LIF: variants seen among roughly 807,000 people sequenced by gnomAD.
LIF encodes leukemia inhibitory factor.
A neutral mutation model predicts 15.0 loss-of-function variants in LIF; 9 were observed. That is an observed-to-expected ratio of 0.60 (90% CI 0.36 to 1.04). LIF has a LOEUF of 1.04. Ranked by LOEUF, LIF falls within the 50% of genes least tolerant of loss-of-function variation. The pLI is 0.01. For missense variants in LIF, 240 were observed against 266.7 expected (o/e 0.90, Z 0.70); for synonymous variants, 122 against 119.7 (o/e 1.02, Z -0.13).
chr22:30,243,521 C>A lies in LIF; in HGVS notation c.*130G>T, dbSNP rs1038717364. On this transcript the variant is annotated 3_prime_UTR_variant, in exon 3 of 3. Transcript: ENST00000249075. The surrounding 1 kb of genome is among the most constrained non-coding windows in gnomAD (Gnocchi z 6.0). Reference sequence around the variant, plus strand: ...GAGTGGAGTGGACTGGCCAGGCACCCTCGGGGTCTGCCAGCAGCCCCCATT... The same window carrying A: ...GAGTGGAGTGGACTGGCCAGGCACCATCGGGGTCTGCCAGCAGCCCCCATT... 3.5e-6 allele frequency: 4 copies of A among 1,156,176 alleles called. No homozygotes were observed. Among genetic ancestry groups the A allele is most frequent in the Non-Finnish European group, 5.1e-6 (4 of 786,086 alleles). 71.6% of individuals were successfully genotyped at this position (1,156,176 alleles called of 1,614,324 possible).
intron 1 of LIF, 112 bp from the exon 2 acceptor site, chr22:30,245,045 T>C (rs1928829189): frequency 5.1e-6 from 5 of 974,318 alleles, no homozygotes. Flanking sequence ...GACTCCTGGT[T>C]CCCCCTCACC....
rs748305575 is a variant in LIF, at chr22:30,244,933, C to G, written c.20G>C (p.Gly7Ala). Reference protein sequence around the residue: MKVLAAGVVPLLLVLHW... With the variant: MKVLAAAVVPLLLVLHW... The stretch of plus-strand genomic sequence containing the variant: ...CAGAACCAACAGCAGGGGCACAACT[C>G]CTGGGGACAGTCAGGAAGAAGCCAT... Residue 7 changes from glycine to alanine, a missense_variant and splice_region_variant, in exon 2 of 3, where the codon GGA (glycine) becomes GCA (alanine). Coordinates refer to ENST00000249075, the MANE Select transcript of LIF (RefSeq NM_002309.5). The G allele has an allele frequency of 6.2e-7, 1 of 1,613,976 alleles. No homozygotes were observed. Among genetic ancestry groups the G allele is most frequent in the Non-Finnish European group, 8.5e-7 (1 of 1,179,958 alleles).
chr22:30,244,226 T>C (rs1453952681), intron 2 of LIF, among the ~76,000 whole-genome samples, 165 bp from the exon 3 acceptor site: 1 of 152,128 alleles, frequency 6.6e-6, no homozygotes, highest in Non-Finnish European at 1.5e-5. Context: ...AAACTAATTG[T>C]AATGTGAGTG....
In LIF at chr22:30,243,951, C is replaced by A. The variant is rs745457739; in HGVS notation, c.309G>T (p.Val103=). Residue 103 remains valine (V), a synonymous_variant, in exon 3 of 3, where the codon GTG becomes GTT. Transcript: ENST00000249075. The surrounding 1 kb of genome is among the most constrained non-coding windows in gnomAD (Gnocchi z 6.0). The part of the protein sequence containing the change: ...HANGTEKAKL[V]ELYRIVVYLG... Reference sequence around the variant, plus strand: ...GGTACACGACTATGCGGTACAGCTCCACCAGCTTGGCCTTCTCCGTGCCGT... The same window carrying A: ...GGTACACGACTATGCGGTACAGCTCAACCAGCTTGGCCTTCTCCGTGCCGT... 13 of 1,614,056 alleles carry A rather than the reference C, an allele frequency of 8.1e-6. No individual in the cohort carries two copies. The highest frequency in any genetic ancestry group is 1.0e-5 in the Non-Finnish European group (12 of 1,180,038).
rs558476962 is a variant in LIF, at chr22:30,242,328, G to A, written c.*1323C>T. The A allele has an allele frequency of 3.9e-5, 2 of 51,800 alleles. No homozygotes were observed. The highest frequency in any genetic ancestry group is 1.4e-4 in the African/African-American group (2 of 14,368). The allele number at this position is 51,800 out of a possible 1,614,324, so 3.2% of individuals were successfully genotyped here. On this transcript the variant is annotated 3_prime_UTR_variant, in exon 3 of 3. Transcript: ENST00000249075. ...CCTAAAGCAAGTCACAGTAGGGGAT[G>A]GGGGGGGGTGGAGCAAGGCCCCCCA...
At chr22:30,245,111 C>G (rs770099345) in intron 1 of LIF, among the ~76,000 whole-genome samples, 178 bp from the exon 2 acceptor site, 1 of 152,230 alleles carries the variant, frequency 6.6e-6, no homozygotes, top group Non-Finnish European at 1.5e-5. Flanking sequence ...GTGTGTTTCT[C>G]TGTCTCCCTT....
At position 30,246,664 on chromosome 22, in the gene LIF, C is replaced by A; in HGVS notation, c.19+13G>T. ...GCGGGGACGCGAAGCCGGCGCGGGG[C>A]GGGTGTATTTACCTGCCGCCAAGAC... On this transcript the variant is annotated intron_variant, in intron 1 of 2. Coordinates refer to ENST00000249075, the MANE Select transcript of LIF (RefSeq NM_002309.5). 6.4e-7 allele frequency: 1 copy of A among 1,554,314 alleles called. No individual in the cohort carries two copies. Among genetic ancestry groups the A allele is most frequent in the Non-Finnish European group, 8.7e-7 (1 of 1,148,036 alleles).
In LIF at chr22:30,243,771, A is replaced by T; in HGVS notation, c.489T>A (p.His163Gln). Residue 163 changes from histidine to glutamine, a missense_variant, in exon 3 of 3, where the codon CAT (histidine) becomes CAA (glutamine). Coordinates refer to ENST00000249075, the MANE Select transcript of LIF (RefSeq NM_002309.5). This position sits in a 1 kb window ranked among gnomAD's most constrained non-coding sequence, Gnocchi z 6.0. ...TGTCAGGGCCGTAGGTCACGTCCAC[A>T]TGGCCCACGTGGTACTTGCTGCACA... Reference protein sequence around the residue: ...CRLCSKYHVGHVDVTYGPDTS... With the variant: ...CRLCSKYHVGQVDVTYGPDTS... 1 of 1,614,244 alleles carries T rather than the reference A, an allele frequency of 6.2e-7. No homozygotes were observed. The highest frequency in any genetic ancestry group is 8.5e-7 in the Non-Finnish European group (1 of 1,180,036).
Position 30,242,649 on chromosome 22 carries a change from AC to A in LIF, c.*1001del, listed in dbSNP as rs1215923854. The A allele has an allele frequency of 6.6e-6, 1 of 152,522 alleles. No homozygotes were observed. Among genetic ancestry groups the A allele is most frequent in the Non-Finnish European group, 1.5e-5 (1 of 67,992 alleles). 9.4% of individuals were successfully genotyped at this position (152,522 alleles called of 1,614,324 possible). A position where few individuals can be genotyped will look rare whatever the true frequency, so the allele number is the denominator to read the frequency against. On this transcript the variant is annotated 3_prime_UTR_variant, in exon 3 of 3. Transcript: ENST00000249075. ...GAGCTCAGGGTTCCCTGAGACCCTG[AC>A]CCTAAGTTCTGCTGTTCCCTTGCCC...
intron 1 of LIF, 157 bp downstream of exon 1, chr22:30,246,520 C>T: frequency 7.7e-7 from 1 of 1,298,112 alleles, no homozygotes. Context: ...CGCGCTCGCT[C>T]CGGGCCGCCA....
rs754931852 is a variant in LIF, at chr22:30,244,008, G to A, written c.252C>T (p.Pro84=). The change falls in exon 3 of 3, where the codon CCC becomes CCT. Residue 84 remains proline, a synonymous_variant. Coordinates refer to ENST00000249075, the MANE Select transcript of LIF (RefSeq NM_002309.5). Reference sequence around the variant, plus strand: ...GGAAGGGCGGGAAGTCCGTCACGTTGGGGCCACATAGCTTGTCCAGGTTGT... The same window carrying A: ...GGAAGGGCGGGAAGTCCGTCACGTTAGGGCCACATAGCTTGTCCAGGTTGT... ...FPNNLDKLCG[P]NVTDFPPFHA... is the part of the protein sequence containing the mutation. The A allele has an allele frequency of 1.9e-6, 3 of 1,613,424 alleles. No individual in the cohort carries two copies. Among genetic ancestry groups the A allele is most frequent in the South Asian group, 1.1e-5 (1 of 91,086 alleles).
intron 1 of LIF, 129 bp from the exon 2 acceptor site, chr22:30,245,062 AG>A: frequency 1.2e-6 from 1 of 831,106 alleles, no homozygotes; most frequent in Non-Finnish European, 2.0e-6. Context: ...CACCACCTGC[AG>A]CTGTCTTCCT....
rs771820759 is a variant in LIF, at chr22:30,243,664, G to C, written c.596C>G (p.Ala199Gly). Residue 199 changes from alanine to glycine, a missense_variant, in exon 3 of 3, where the codon GCC (alanine) becomes GGC (glycine). Physicochemically the swap from Ala to Gly is moderately conservative, Grantham distance 60. Transcript: ENST00000249075. This position sits in a 1 kb window ranked among gnomAD's most constrained non-coding sequence, Gnocchi z 6.0. ...CAAGACCTCCTGCTAGAAGGCCTGG[G>C]CCAACACGGCGATGATCTGCTTATA... ...GKYKQIIAVL[A>G]QAF The C allele has an allele frequency of 6.2e-7, 1 of 1,614,230 alleles. No individual in the cohort carries two copies. The highest frequency in any genetic ancestry group is 1.1e-5 in the South Asian group (1 of 91,086).
At chr22:30,246,050 G>A (rs1187916870) in intron 1 of LIF, among the ~76,000 whole-genome samples, 1 of 152,230 alleles carries the variant, frequency 6.6e-6, no homozygotes, top group Non-Finnish European at 1.5e-5. Context: ...CTGGAACAGC[G>A]GGGACAGGGG....
chr22:30,243,445 C>G lies in LIF; in HGVS notation c.*206G>C, dbSNP rs1292972929. 3.2e-6 allele frequency: 2 copies of G among 626,638 alleles called. No individual in the cohort carries two copies. Among genetic ancestry groups the G allele is most frequent in the Non-Finnish European group, 5.6e-6 (2 of 356,734 alleles). 38.8% of individuals were successfully genotyped at this position (626,638 alleles called of 1,614,324 possible). ...GAGGAAGGGGCACCTTCTTCTAGCT[C>G]CCTCCCTATGGAAGTTTCCACTCTG... On this transcript the variant is annotated 3_prime_UTR_variant, in exon 3 of 3. Transcript: ENST00000249075. This position sits in a 1 kb window ranked among gnomAD's most constrained non-coding sequence, Gnocchi z 6.0.
rs1364418981 is a variant in LIF at position 30,243,895 on chromosome 22, T to C, written c.365A>G (p.Asp122Gly). ...LGTSLGNITR[D>G]QKILNPSALS... ...GGCACTGGGGTTGAGGATCTTCTGG[T>C]CCCGGGTGATGTTGCCCAGGGAGGT... Residue 122 changes from aspartate to glycine, a missense_variant, in exon 3 of 3, where the codon GAC becomes GGC. Physicochemically the swap from Asp to Gly is moderately conservative, Grantham distance 94. Coordinates refer to ENST00000249075, the MANE Select transcript of LIF (RefSeq NM_002309.5). This position sits in a 1 kb window ranked among gnomAD's most constrained non-coding sequence, Gnocchi z 6.0. 7 of 1,614,010 alleles carry C rather than the reference T, an allele frequency of 4.3e-6. No individual in the cohort carries two copies. Among genetic ancestry groups the C allele is most frequent in the Non-Finnish European group, 5.9e-6 (7 of 1,180,032 alleles).
chr22:30,244,073 A>G lies in LIF; in HGVS notation c.199-12T>C. On this transcript the variant is annotated splice_polypyrimidine_tract_variant and intron_variant, in intron 2 of 2. Transcript: ENST00000249075. ...CCCTGGGCTGTGTACTGAGGGGCAG[A>G]AGGGAGGTGACGTGGGAGTCAGGGG... 6.3e-7 allele frequency: 1 copy of G among 1,592,412 alleles called. No individual in the cohort carries two copies. Among genetic ancestry groups the G allele is most frequent in the Non-Finnish European group, 8.5e-7 (1 of 1,169,940 alleles).
At position 30,244,806 on chromosome 22, in the gene LIF, C is replaced by T; in HGVS notation, c.147G>A (p.Arg49=). ...TGCCATTGAGCTGTGCCAGTTGGCT[C>T]CTGATCTGGTTCATGAGGTTGTTGT... ...PCHNNLMNQI[R]SQLAQLNGSA... The change falls in exon 2 of 3, where the codon AGG becomes AGA. Residue 49 remains arginine, a synonymous_variant. Coordinates refer to ENST00000249075, the MANE Select transcript of LIF (RefSeq NM_002309.5). 6.2e-7 allele frequency: 1 copy of T among 1,614,178 alleles called. No individual in the cohort carries two copies.
intron 2 of LIF, among the ~76,000 whole-genome samples, chr22:30,244,548 C>T (rs987800391): frequency 6.6e-6 from 1 of 152,276 alleles, no homozygotes; most frequent in East Asian, 1.9e-4. Context: ...TCAGTTCTCC[C>T]CTTGCTAACT....
Sources: allele counts gnomAD v4.1 joint callset (sites outside exome capture counted in the v4.1 genomes callset), GRCh38; gene constraint gnomAD v4.1.1; non-coding constraint Gnocchi (gnomAD v3.1); transcripts MANE v1.5; gene names NCBI Gene and HGNC (gene_info 2026-07-23, HGNC 2026-07-21).